ADAMTS16: variants seen among roughly 807,000 people sequenced by gnomAD.
ADAMTS16 encodes the protein ADAM metallopeptidase with thrombospondin type 1 motif 16, also known as A disintegrin and metalloproteinase with thrombospondin motifs 16.
ADAMTS16 carries 94 observed loss-of-function variants against 145.8 expected under a neutral mutation model. The observed-to-expected ratio is 0.64, with a 90% CI of 0.55 to 0.77. ADAMTS16 has a LOEUF of 0.77. Ranked by LOEUF, ADAMTS16 falls within the 30% of genes least tolerant of loss-of-function variation. The probability of loss-of-function intolerance (pLI) is 0.00; values close to 1 mark genes in which losing one functional copy is unlikely to be tolerated. For synonymous variants in ADAMTS16, 659 were observed against 604.3 expected (o/e 1.09, Z -1.33); for missense variants, 1,585 against 1,591.5 (o/e 1.00, Z 0.07).
chr5:5,251,482 A>C (rs1337704323), intron 17 of ADAMTS16, among the ~76,000 whole-genome samples: 1 of 152,202 alleles, frequency 6.6e-6, no homozygotes, highest in Non-Finnish European at 1.5e-5. Flanking sequence ...TATTGGCTTC[A>C]TTTTTATGGA....
At position 5,214,842 on chromosome 5, in the gene ADAMTS16, A is replaced by T. The variant is rs575243794; in HGVS notation, c.1605+5596A>T. ...GAATTGAAACATCTCAGAACAATTT[A>T]AACTATAAAACTTATTTTTTTTAAT... On this transcript the variant is annotated intron_variant, in intron 10 of 22. Coordinates refer to ENST00000274181, the MANE Select transcript of ADAMTS16 (RefSeq NM_139056.4). Among the ~76,000 whole-genome samples the T allele has an allele frequency of 2.0e-5, 3 of 152,230 alleles. No individual in the cohort carries two copies. In the South Asian group the frequency reaches 6.2e-4, roughly 32 times the overall value.
chr5:5,212,077 T>C (rs536000847), intron 10 of ADAMTS16, among the ~76,000 whole-genome samples: 1 of 152,322 alleles, frequency 6.6e-6, no homozygotes, highest in African/African-American at 2.4e-5. Context: ...ATCTTCTGCA[T>C]CATCCATCAT....
At chr5:5,197,766 A>G (rs905008683) in intron 8 of ADAMTS16, among the ~76,000 whole-genome samples, 1 of 152,150 alleles carries the variant, frequency 6.6e-6, no homozygotes, top group Non-Finnish European at 1.5e-5. Flanking sequence ...CTACTTTTTT[A>G]TGCTGATCTG....
intron 3 of ADAMTS16, among the ~76,000 whole-genome samples, chr5:5,152,162 G>C (rs2126513301): frequency 6.6e-6 from 1 of 152,312 alleles, no homozygotes; most frequent in South Asian, 2.1e-4. Context: ...AATAATTTCA[G>C]GCCCTGGAGG....
intron 2 of ADAMTS16, among the ~76,000 whole-genome samples, chr5:5,145,576 G>C (rs1314581706): frequency 6.6e-6 from 1 of 152,236 alleles, no homozygotes; most frequent in Non-Finnish European, 1.5e-5. Flanking sequence ...TGTAAACATG[G>C]CTTACCAGTA....
intron 18 of ADAMTS16, among the ~76,000 whole-genome samples, chr5:5,275,083 G>A (rs1398071332): frequency 6.6e-6 from 1 of 152,200 alleles, no homozygotes; most frequent in Non-Finnish European, 1.5e-5. Flanking sequence ...GCTCATAAGT[G>A]CTTCCTGAAA....
chr5:5,298,795 T>C (rs570475973), intron 18 of ADAMTS16, among the ~76,000 whole-genome samples: 10 of 152,328 alleles, frequency 6.6e-5, no homozygotes, highest in African/African-American at 2.4e-4. Flanking sequence ...AACCAAGTAA[T>C]ATTGATCCTG....
At chr5:5,232,344 A>G (rs1171661057) in intron 11 of ADAMTS16, 24 bp from the exon 12 acceptor site, 2 of 1,613,854 alleles carry the variant, frequency 1.2e-6, no homozygotes, top group Admixed American at 1.7e-5. Flanking sequence ...AGTCAAGTCA[A>G]CTTATTTATG....
intron 4 of ADAMTS16, among the ~76,000 whole-genome samples, chr5:5,184,576 A>G (rs1052045200): frequency 2.0e-5 from 3 of 151,730 alleles, no homozygotes; most frequent in Non-Finnish European, 1.5e-5. Flanking sequence ...TCACTTAGGC[A>G]TTTTTCGGTG....
Position 5,193,237 on chromosome 5 carries a change from C to T in ADAMTS16, c.1313+1447C>T, listed in dbSNP as rs138629428. On this transcript the variant is annotated intron_variant, in intron 8 of 22. Transcript: ENST00000274181. The stretch of plus-strand genomic sequence containing the variant: ...TGTGCTTGTGTTTAATGGAATTCCA[C>T]GAAGGTTCTGCACCCTTTAGCTGTG... Among the ~76,000 whole-genome samples the T allele has an allele frequency of 6.6e-5, 10 of 152,080 alleles. No individual in the cohort carries two copies. The East Asian group carries it at 1.5e-3, about 24-fold the overall frequency.
intron 10 of ADAMTS16, among the ~76,000 whole-genome samples, chr5:5,213,952 GAGCTGACTCTCAACT>G: frequency 6.6e-6 from 1 of 152,270 alleles, no homozygotes; most frequent in Non-Finnish European, 1.5e-5. Flanking sequence ...TTTTCTATAT[GAGCTGACTCTCAACT>G]AGCTGCTGAA....
intron 17 of ADAMTS16, among the ~76,000 whole-genome samples, chr5:5,250,319 C>T (rs1737582929): frequency 6.6e-6 from 1 of 152,130 alleles, no homozygotes; most frequent in African/African-American, 2.4e-5. Flanking sequence ...GGGAACTGTT[C>T]TGATAGGAGC....
intron 3 of ADAMTS16, among the ~76,000 whole-genome samples, 200 bp downstream of exon 3, chr5:5,146,655 A>G (rs1403055723): frequency 6.6e-6 from 1 of 152,192 alleles, no homozygotes; most frequent in Non-Finnish European, 1.5e-5. Flanking sequence ...CAGTGTGCAC[A>G]CCCACCCTGC....
At chr5:5,296,214 C>T (rs1739522832) in intron 18 of ADAMTS16, among the ~76,000 whole-genome samples, 1 of 152,154 alleles carries the variant, frequency 6.6e-6, no homozygotes, top group South Asian at 2.1e-4. Flanking sequence ...GAGGCTAAGT[C>T]ACAGGCTCTG....
At position 5,262,760 on chromosome 5, in the gene ADAMTS16, C is replaced by A; in HGVS notation, c.2766C>A (p.Cys922Ter). 6.2e-7 allele frequency: 1 copy of A among 1,614,204 alleles called. No homozygotes were observed. The highest frequency in any genetic ancestry group is 1.1e-5 in the South Asian group (1 of 91,072). ...KTRPVTGLVP[C>*]KVSACPPSWS... ...GACCTGTCACGGGGCTGGTGCCTTG[C>A]AAAGTATCTGCCTGTCCTCCCAGGT... is the stretch of plus-strand genomic sequence containing the variant. The change falls in exon 18 of 23, where the codon TGC becomes TGA. Residue 922 changes from cysteine to a stop codon, truncating the protein, a stop_gained. Coordinates refer to ENST00000274181, the MANE Select transcript of ADAMTS16 (RefSeq NM_139056.4). LOFTEE classifies it high-confidence loss of function.
At chr5:5,194,848 T>A (rs6874522) in intron 8 of ADAMTS16, among the ~76,000 whole-genome samples, 43,959 of 152,120 alleles carry the variant, frequency 0.29, 7,219 homozygotes, top group South Asian at 0.39. Context: ...TCTGAATTTA[T>A]TATGACTTTT....
At position 5,269,949 on chromosome 5, in the gene ADAMTS16, GA is replaced by G. The variant is rs1738401060; in HGVS notation, c.2789+7169del. 1.3e-5 allele frequency among the ~76,000 whole-genome samples: 2 copies of G among 152,144 alleles called. No individual in the cohort carries two copies. The highest frequency in any genetic ancestry group is 4.8e-5 in the African/African-American group (2 of 41,444). On this transcript the variant is annotated intron_variant, in intron 18 of 22. Coordinates refer to ENST00000274181, the MANE Select transcript of ADAMTS16 (RefSeq NM_139056.4). This position sits in a 1 kb window ranked among gnomAD's most constrained non-coding sequence, Gnocchi z 4.3. ...GAGCTGATGTGTCCTACAGCAAGTA[GA>G]AACATGAGACTGAGGCTGCCCCAAA...
intron 3 of ADAMTS16, among the ~76,000 whole-genome samples, chr5:5,160,420 C>CACTG (rs1426933698): frequency 6.6e-6 from 1 of 152,120 alleles, no homozygotes; most frequent in Non-Finnish European, 1.5e-5. Context: ...AGTTAAATCC[C>CACTG]ACTGACTCCC....
At chr5:5,249,208 G>A (rs1364084630) in intron 17 of ADAMTS16, among the ~76,000 whole-genome samples, 1 of 152,150 alleles carries the variant, frequency 6.6e-6, no homozygotes, top group African/African-American at 2.4e-5. Flanking sequence ...AATTACATGT[G>A]TATTGTCATA....
Sources: allele counts gnomAD v4.1 joint callset (sites outside exome capture counted in the v4.1 genomes callset), GRCh38; gene constraint gnomAD v4.1.1; non-coding constraint Gnocchi (gnomAD v3.1); transcripts MANE v1.5; gene names NCBI Gene and HGNC (gene_info 2026-07-23, HGNC 2026-07-21).